Variants in MYO16 observed in about 807,000 individuals in gnomAD.
MYO16 encodes myosin XVI, also known as unconventional myosin-XVI.
MYO16 carries 94 observed loss-of-function variants against 205.3 expected under a neutral mutation model. The observed-to-expected ratio is 0.46, with a 90% CI of 0.39 to 0.54. MYO16 has a LOEUF of 0.54. MYO16 is among the 20% of genes least tolerant of loss of function. The probability of loss-of-function intolerance (pLI) is 0.00; values close to 1 mark genes in which losing one functional copy is unlikely to be tolerated. For missense variants in MYO16, 2,315 were observed against 2,387.5 expected, an observed-to-expected ratio of 0.97 and a Z score of 0.63; for synonymous variants, 988 against 954.0, an observed-to-expected ratio of 1.04 and a Z score of -0.66.
the MYO16 span, among the ~76,000 whole-genome samples, chr13:108,540,535 T>C: frequency 6.6e-6 from 1 of 152,150 alleles, no homozygotes; most frequent in African/African-American, 2.4e-5. Flanking sequence ...AGGAAGAAAC[T>C]ATTTAGAACT....
At chr13:108,806,182 C>T (rs903037592) in intron 6 of MYO16, among the ~76,000 whole-genome samples, 18 of 151,984 alleles carry the variant, frequency 1.2e-4, no homozygotes, top group Middle Eastern at 3.2e-3. Context: ...ATTTTTAAGC[C>T]GCCGGGATTA....
chr13:108,755,842 A>G (rs1449499532), intron 4 of MYO16, among the ~76,000 whole-genome samples: 1 of 152,218 alleles, frequency 6.6e-6, no homozygotes, highest in African/African-American at 2.4e-5. Context: ...TTAAAGTGCT[A>G]TGGGATAAAA....
chr13:108,918,936 C>T (rs1881617170), intron 16 of MYO16, among the ~76,000 whole-genome samples: 1 of 143,848 alleles, frequency 7.0e-6, no homozygotes, highest in South Asian at 2.2e-4. Flanking sequence ...GAGCGAGACT[C>T]TGTCTCAGAA....
intron 16 of MYO16, 80 bp from the exon 17 acceptor site, chr13:108,957,603 GATCAA>G: frequency 2.3e-6 from 2 of 880,804 alleles, no homozygotes; most frequent in Non-Finnish European, 1.9e-6. Context: ...TCATTTTAGA[GATCAA>G]ATACGGCAGA....
chr13:108,611,985 T>TTTC (rs1879192275), intron 1 of MYO16, among the ~76,000 whole-genome samples: 1 of 142,982 alleles, frequency 7.0e-6, no homozygotes, highest in Non-Finnish European at 1.5e-5. Flanking sequence ...TTTTTTTTTT[T>TTTC]TTTTTTTTGA....
At chr13:108,510,181 A>C in the MYO16 span, among the ~76,000 whole-genome samples, 1 of 152,132 alleles carries the variant, frequency 6.6e-6, no homozygotes, top group South Asian at 2.1e-4. Context: ...CAATGGCGCT[A>C]TCTCGGCTCA....
chr13:109,008,731 C>G (rs1173077942), intron 21 of MYO16, among the ~76,000 whole-genome samples, 166 bp from the exon 22 acceptor site: 1 of 147,744 alleles, frequency 6.8e-6, no homozygotes. Flanking sequence ...ACTGTACTAT[C>G]TATCTTGTGT....
In MYO16 at chr13:109,125,079, TCCATTTACTAAC is replaced by T. The variant is rs771729664; in HGVS notation, c.3536-28_3536-17del. 153 of 1,604,374 alleles carry T rather than the reference TCCATTTACTAAC, an allele frequency of 9.5e-5. No homozygotes were observed. Among genetic ancestry groups the T allele is most frequent in the Non-Finnish European group, 1.2e-4 (145 of 1,175,372 alleles). On this transcript the variant is annotated intron_variant, in intron 29 of 34. Transcript: ENST00000457511. The surrounding 1 kb of genome is among the most constrained non-coding windows in gnomAD (Gnocchi z 4.0). ...GCATGTCTGAGTTTTTCACTTTTCC[TCCATTTACTAAC>T]CCATGATCCTTCTATAAAAGTTATC...
At chr13:108,941,153 CT>C (rs1882704814) in intron 16 of MYO16, among the ~76,000 whole-genome samples, 1 of 152,168 alleles carries the variant, frequency 6.6e-6, no homozygotes. Context: ...CATGCCCCAG[CT>C]TCCCAGGGAG....
At chr13:109,004,514 T>G (rs1406948943) in intron 21 of MYO16, among the ~76,000 whole-genome samples, 2 of 152,216 alleles carry the variant, frequency 1.3e-5, no homozygotes, top group Non-Finnish European at 2.9e-5. Flanking sequence ...CAATTTTTAT[T>G]TTTTATTTAT....
At chr13:109,153,351 C>T (rs1387954469) in intron 32 of MYO16, among the ~76,000 whole-genome samples, 1 of 151,884 alleles carries the variant, frequency 6.6e-6, no homozygotes, top group Non-Finnish European at 1.5e-5. Context: ...TTTCAAAGGG[C>T]GTGATCAAAT....
chr13:109,040,135 G>A (rs765937187), intron 23 of MYO16, among the ~76,000 whole-genome samples: 5 of 151,890 alleles, frequency 3.3e-5, no homozygotes, highest in Non-Finnish European at 7.4e-5. Flanking sequence ...ATATGAAATA[G>A]ACAATTTGAA....
intron 14 of MYO16, among the ~76,000 whole-genome samples, chr13:108,895,440 C>T (rs533077976): frequency 1.3e-5 from 2 of 152,132 alleles, no homozygotes; most frequent in Non-Finnish European, 2.9e-5. Flanking sequence ...AGATAAAAAA[C>T]TGGTTATTGC....
intron 25 of MYO16, 131 bp from the exon 26 acceptor site, chr13:109,054,915 T>A (rs1887362365): frequency 1.8e-6 from 1 of 567,262 alleles, no homozygotes; most frequent in South Asian, 2.5e-5. Context: ...TCTTTTCTTC[T>A]TCCTTCCTTC....
chr13:108,906,175 T>A (rs1880968300), intron 15 of MYO16, among the ~76,000 whole-genome samples: 1 of 152,194 alleles, frequency 6.6e-6, no homozygotes, highest in Admixed American at 6.5e-5. Context: ...ATTTCAAGTC[T>A]TAGGTTCTCC....
At chr13:109,136,070 C>T (rs1233830362) in intron 31 of MYO16, among the ~76,000 whole-genome samples, 3 of 150,610 alleles carry the variant, frequency 2.0e-5, no homozygotes, top group Admixed American at 6.6e-5. Flanking sequence ...TCCTTCCTTC[C>T]TTCCTTCTTT....
intron 16 of MYO16, among the ~76,000 whole-genome samples, chr13:108,925,475 A>G (rs180966983): frequency 6.6e-6 from 1 of 151,988 alleles, no homozygotes; most frequent in East Asian, 1.9e-4. Flanking sequence ...TTATAAGTGC[A>G]AGTAATTAAA....
At chr13:109,014,380 A>T (rs1885728496) in intron 22 of MYO16, among the ~76,000 whole-genome samples, 1 of 152,148 alleles carries the variant, frequency 6.6e-6, no homozygotes, top group Non-Finnish European at 1.5e-5. Context: ...CTTGTAGTAT[A>T]CTTTGAAGTC....
chr13:108,715,204 C>T (rs945333689), intron 3 of MYO16, among the ~76,000 whole-genome samples: 1 of 152,226 alleles, frequency 6.6e-6, no homozygotes, highest in Non-Finnish European at 1.5e-5. Context: ...GGCCCGTGCT[C>T]CTGCTCCGTG....
Sources: gnomAD v4.1 joint callset for allele counts (sites outside exome capture counted in the v4.1 genomes callset) on GRCh38, gnomAD v4.1.1 for gene constraint, Gnocchi (gnomAD v3.1) non-coding constraint, MANE v1.5 for transcripts, NCBI Gene and HGNC (gene_info 2026-07-23, HGNC 2026-07-21) for gene names.